Variants in GANC observed in about 807,000 individuals in gnomAD.
The protein encoded by GANC is glucosidase alpha, neutral C.
Under a neutral mutation model 124.2 loss-of-function variants are expected in GANC, and 117 were observed. The ratio of observed to expected loss-of-function variants is 0.94; its 90% CI spans 0.81 to 1.10. The LOEUF is 1.10. GANC is among the 50% of genes least tolerant of loss of function. The pLI is 0.00. For synonymous variants in GANC, 377 were observed against 376.8 expected (o/e 1.00, Z -0.01); for missense variants, 1,140 against 1,095.0 (o/e 1.04, Z -0.58).
At position 42,340,616 on chromosome 15, in the gene GANC, A is replaced by T; in HGVS notation, c.2088-74A>T. Reference sequence around the variant, plus strand: ...GAGATCCATCTAAAAAAAAAAAAAAAACTAAAAATATAAGTGATTGATTGC... The same window carrying T: ...GAGATCCATCTAAAAAAAAAAAAAATACTAAAAATATAAGTGATTGATTGC... On this transcript the variant is annotated intron_variant, in intron 17 of 23. Transcript: ENST00000318010. 3 of 1,238,398 alleles carry T rather than the reference A, an allele frequency of 2.4e-6. No individual in the cohort carries two copies. In the South Asian group the frequency reaches 4.0e-5, roughly 16 times the overall value. The allele number at this position is 1,238,398 out of a possible 1,614,324, so 76.7% of individuals were successfully genotyped here. A position where few individuals can be genotyped will look rare whatever the true frequency, so the allele number is the denominator to read the frequency against.
chr15:42,333,801 G>A (rs1409362717), intron 15 of GANC, among the ~76,000 whole-genome samples: 1 of 152,160 alleles, frequency 6.6e-6, no homozygotes, highest in Non-Finnish European at 1.5e-5. Context: ...TATTGCTACT[G>A]TTATTATGTC....
rs561238957 is a variant in GANC at position 42,345,703 on chromosome 15, A to G, written c.2230-55A>G. On this transcript the variant is annotated intron_variant, in intron 19 of 23. Coordinates refer to ENST00000318010, the MANE Select transcript of GANC (RefSeq NM_198141.3). ...AGTGGATATTTTGCTGACTAATGAA[A>G]TGGTGAGCAGAGTTGCTTATGTACT... 11 of 1,012,290 alleles carry G rather than the reference A, an allele frequency of 1.1e-5. No individual in the cohort carries two copies. The South Asian group carries it at 1.5e-4, about 14-fold the overall frequency. 62.7% of individuals were successfully genotyped at this position (1,012,290 alleles called of 1,614,324 possible). A position where few individuals can be genotyped will look rare whatever the true frequency, so the allele number is the denominator to read the frequency against.
At chr15:42,315,361 A>G (rs2052093100) in intron 10 of GANC, among the ~76,000 whole-genome samples, 1 of 152,264 alleles carries the variant, frequency 6.6e-6, no homozygotes, top group African/African-American at 2.4e-5. Context: ...TCCAAAGAAG[A>G]TAAATAAGTG....
At chr15:42,350,381 CCATT>C (rs2052417785) in intron 22 of GANC, among the ~76,000 whole-genome samples, 2 of 151,930 alleles carry the variant, frequency 1.3e-5, no homozygotes. Flanking sequence ...CCCACTAATT[CCATT>C]CATTCATCCA....
Position 42,273,291 on chromosome 15 carries a change from A to G in GANC, c.-1191A>G, listed in dbSNP as rs750032382. 3 of 1,614,194 alleles carry G rather than the reference A, an allele frequency of 1.9e-6. No individual in the cohort carries two copies. The highest frequency in any genetic ancestry group is 2.5e-6 in the Non-Finnish European group (3 of 1,180,044). On this transcript the variant is annotated 5_prime_UTR_variant, in exon 1 of 24. Transcript: ENST00000318010. ...GAATGTGCCATTTGGACCGGTCGGC[A>G]GCAGCTACGGTTGCCGGTCCCGCAC...
chr15:42,335,821 C>T (rs58712370), intron 15 of GANC, among the ~76,000 whole-genome samples: 15,749 of 152,186 alleles, frequency 0.1, 1,171 homozygotes, highest in Admixed American at 0.19. Flanking sequence ...TATACACCAA[C>T]AACAGTCAAG....
chr15:42,351,490 A>G lies in GANC; in HGVS notation c.2635+58A>G, dbSNP rs1213536972. The G allele has an allele frequency of 2.4e-6, 3 of 1,231,310 alleles. No individual in the cohort carries two copies. In the African/African-American group the frequency reaches 4.5e-5, roughly 18 times the overall value. 76.3% of individuals were successfully genotyped at this position (1,231,310 alleles called of 1,614,324 possible). On this transcript the variant is annotated intron_variant, in intron 23 of 23. Transcript: ENST00000318010. The stretch of plus-strand genomic sequence containing the variant: ...TGTTTTTATAAACAGAAGTATCTGC[A>G]GTGAGATGATTAGTCCCCAAACGGA...
chr15:42,340,339 G>T (rs1213848021), intron 17 of GANC, among the ~76,000 whole-genome samples: 1 of 152,056 alleles, frequency 6.6e-6, no homozygotes, highest in Admixed American at 6.6e-5. Flanking sequence ...CTGAAAATAG[G>T]CCAGGCTTGG....
intron 10 of GANC, chr15:42,314,248 G>A (rs902807621): frequency 3.6e-5 from 25 of 694,688 alleles, no homozygotes; most frequent in South Asian, 2.0e-4. Flanking sequence ...TAGCTACCCA[G>A]CATGGAATTT....
chr15:42,339,990 A>AT, intron 17 of GANC, 78 bp downstream of exon 17: 1 of 1,481,146 alleles, frequency 6.8e-7, no homozygotes, highest in Admixed American at 2.1e-5. Context: ...GAATGCAATA[A>AT]TTACAGTGAT....
At chr15:42,339,369 C>G (rs114396656) in intron 16 of GANC, among the ~76,000 whole-genome samples, 1,526 of 149,622 alleles carry the variant, frequency 0.01, 32 homozygotes, top group African/African-American at 0.037. Flanking sequence ...GTTATTTAAT[C>G]AGGCAGACAT....
Position 42,274,369 on chromosome 15 carries a change from T to G in GANC, c.-113T>G. ...GGAGGGGACTCCCTTCCCAGAAACT[T>G]GACGATGAAGTACTGGTTGTAATTT... On this transcript the variant is annotated 5_prime_UTR_variant, in exon 1 of 24. Coordinates refer to ENST00000318010, the MANE Select transcript of GANC (RefSeq NM_198141.3). 1 of 1,110,920 alleles carries G rather than the reference T, an allele frequency of 9.0e-7. No homozygotes were observed. The highest frequency in any genetic ancestry group is 1.6e-5 in the African/African-American group (1 of 63,228). The allele number at this position is 1,110,920 out of a possible 1,614,324, so 68.8% of individuals were successfully genotyped here.
At chr15:42,339,236 GTTCT>G (rs373813773) in intron 16 of GANC, among the ~76,000 whole-genome samples, 27 of 149,824 alleles carry the variant, frequency 1.8e-4, no homozygotes, top group African/African-American at 6.7e-4. Flanking sequence ...CTTCTCTTCA[GTTCT>G]TTCTGTTTTT....
At chr15:42,343,198 T>C (rs111252176) in intron 19 of GANC, 44 bp downstream of exon 19, 132,153 of 1,498,622 alleles carry the variant, frequency 0.088, 7,014 homozygotes, top group South Asian at 0.2. Context: ...CTCATATCTC[T>C]CATCCCTTCT....
intron 6 of GANC, among the ~76,000 whole-genome samples, chr15:42,301,058 C>T (rs2051941389): frequency 6.6e-6 from 1 of 151,606 alleles, no homozygotes; most frequent in East Asian, 1.9e-4. Flanking sequence ...ATGTGGTATG[C>T]TGTGGCTGGC....
intron 4 of GANC, among the ~76,000 whole-genome samples, chr15:42,290,227 G>A (rs2051828346): frequency 6.6e-6 from 1 of 152,190 alleles, no homozygotes; most frequent in South Asian, 2.1e-4. Flanking sequence ...GGGCCATACT[G>A]CATTCTGATT....
At chr15:42,345,390 G>A (rs2052355904) in intron 19 of GANC, among the ~76,000 whole-genome samples, 1 of 151,432 alleles carries the variant, frequency 6.6e-6, no homozygotes, top group Non-Finnish European at 1.5e-5. Flanking sequence ...TTCACTACTA[G>A]AAGCATTAAG....
At chr15:42,288,098 C>T (rs1200361244) in intron 4 of GANC, among the ~76,000 whole-genome samples, 1 of 152,026 alleles carries the variant, frequency 6.6e-6, no homozygotes, top group African/African-American at 2.4e-5. Flanking sequence ...AACTTTGATC[C>T]CTGCTCTCCT....
chr15:42,281,231 C>A, intron 3 of GANC: 1 of 639,878 alleles, frequency 1.6e-6, no homozygotes, highest in South Asian at 1.8e-5. Flanking sequence ...TGAAATTCTG[C>A]ACTGAACTCC....
Sources: gnomAD v4.1 joint callset for allele counts (sites outside exome capture counted in the v4.1 genomes callset) on GRCh38, gnomAD v4.1.1 for gene constraint, MANE v1.5 for transcripts, NCBI Gene and HGNC (gene_info 2026-07-23, HGNC 2026-07-21) for gene names.